Variants in NEIL3 observed in about 807,000 individuals in gnomAD.
NEIL3 encodes the protein endonuclease 8-like 3.
Under a neutral mutation model 57.5 loss-of-function variants are expected in NEIL3, and 48 were observed. The ratio of observed to expected loss-of-function variants is 0.83; its 90% CI spans 0.66 to 1.06. The LOEUF is 1.06. NEIL3 is among the 50% of genes least tolerant of loss of function. The pLI is 0.00. For missense variants in NEIL3, 717 were observed against 739.1 expected (o/e 0.97, Z 0.35); for synonymous variants, 261 against 253.2 (o/e 1.03, Z -0.29).
intron 1 of NEIL3, among the ~76,000 whole-genome samples, chr4:177,313,024 CAA>C: frequency 6.6e-6 from 1 of 152,228 alleles, no homozygotes; most frequent in Admixed American, 6.5e-5. Context: ...GCATTTATGC[CAA>C]AGAGTTAAAG....
Position 177,325,828 on chromosome 4 carries a change from A to G in NEIL3, c.278+3248A>G, listed in dbSNP as rs111474732. ...ACTAATGATATCTGATGCAATATGC[A>G]TATTTCCTGTTTGTGTATTTTATAG... On this transcript the variant is annotated intron_variant, in intron 2 of 9. Transcript: ENST00000264596. Among the ~76,000 whole-genome samples the G allele has an allele frequency of 8.7e-3, 1,330 of 152,172 alleles. 17 individuals are homozygous for G. The highest frequency in any genetic ancestry group is 0.03 in the African/African-American group (1,261 of 41,550).
chr4:177,322,705 A>G (rs1734710814), intron 2 of NEIL3, 125 bp downstream of exon 2: 4 of 1,035,192 alleles, frequency 3.9e-6, no homozygotes, highest in South Asian at 1.5e-5. Flanking sequence ...GAGAGCTCCA[A>G]TATGAGAGGT....
rs34353849 is a variant in NEIL3, at chr4:177,320,466, CTTTTTTTTTTTTTTT to C, written c.157-1978_157-1964del. On this transcript the variant is annotated intron_variant, in intron 1 of 9. Transcript: ENST00000264596. Reference sequence around the variant, plus strand: ...GTGCAGAACAGGAAGTGACTGCTGTCTTTTTTTTTTTTTTTTTTTTTTTTTTTTTGAAACGGAGTC... The same window carrying C: ...GTGCAGAACAGGAAGTGACTGCTGTCTTTTTTTTTTTTTTGAAACGGAGTC... 6.5e-5 allele frequency among the ~76,000 whole-genome samples: 5 copies of C among 77,422 alleles called. No individual in the cohort carries two copies. In the Admixed American group the frequency reaches 8.5e-4, roughly 13 times the overall value. 50.8% of individuals were successfully genotyped at this position (77,422 alleles called of 152,430 possible).
chr4:177,365,976 A>G (rs67277327), downstream of NEIL3, among the ~76,000 whole-genome samples: 32,888 of 152,072 alleles, frequency 0.22, 4,336 homozygotes, highest in East Asian at 0.7. Flanking sequence ...AAAGACAACC[A>G]AGACCCACCC....
intron 1 of NEIL3, among the ~76,000 whole-genome samples, chr4:177,318,085 C>A (rs948223740): frequency 2.6e-5 from 4 of 152,148 alleles, no homozygotes; most frequent in African/African-American, 9.7e-5. Context: ...GTACATGGAA[C>A]TATATTCCCC....
intron 1 of NEIL3, among the ~76,000 whole-genome samples, chr4:177,319,737 C>T (rs991901537): frequency 1.3e-5 from 2 of 152,026 alleles, no homozygotes; most frequent in East Asian, 1.9e-4. Flanking sequence ...AAATTCTTTC[C>T]TACCGAAGAA....
intron 8 of NEIL3, 34 bp from the exon 9 acceptor site, chr4:177,360,469 T>C (rs770449114): frequency 1.4e-5 from 22 of 1,576,906 alleles, no homozygotes; most frequent in Non-Finnish European, 1.9e-5. Flanking sequence ...TTAGCACTCC[T>C]ATGCTGTACT....
intron 6 of NEIL3, among the ~76,000 whole-genome samples, chr4:177,343,992 A>G (rs33969229): frequency 0.65 from 99,153 of 151,928 alleles, 33,868 homozygotes; most frequent in Non-Finnish European, 0.77. Flanking sequence ...ATGAATTGAT[A>G]TCTTTGAGAT....
intron 6 of NEIL3, among the ~76,000 whole-genome samples, chr4:177,349,416 T>G (rs1735304949): frequency 6.6e-6 from 1 of 152,102 alleles, no homozygotes; most frequent in Non-Finnish European, 1.5e-5. Context: ...CCAGCGTTCT[T>G]TCATGTGTGG....
intron 1 of NEIL3, 94 bp from the exon 2 acceptor site, chr4:177,322,365 T>G: frequency 6.6e-7 from 1 of 1,512,414 alleles, no homozygotes; most frequent in South Asian, 1.2e-5. Context: ...CACCTGGGCG[T>G]GAAGTAATAT....
At position 177,336,329 on chromosome 4, in the gene NEIL3, T is replaced by G; in HGVS notation, c.627+8T>G. 1 of 1,608,900 alleles carries G rather than the reference T, an allele frequency of 6.2e-7. No individual in the cohort carries two copies. The highest frequency in any genetic ancestry group is 8.5e-7 in the Non-Finnish European group (1 of 1,177,040). ...CTCCACCCAGCTGTTAAAGTAAGTTTTAAGTATTTTTTTAATTATCTGTTG... is the reference window on the plus strand; with the variant it reads ...CTCCACCCAGCTGTTAAAGTAAGTTGTAAGTATTTTTTTAATTATCTGTTG... On this transcript the variant is annotated splice_region_variant and intron_variant, in intron 4 of 9. Coordinates refer to ENST00000264596, the MANE Select transcript of NEIL3 (RefSeq NM_018248.3).
At chr4:177,318,812 T>C (rs1734623032) in intron 1 of NEIL3, among the ~76,000 whole-genome samples, 1 of 152,234 alleles carries the variant, frequency 6.6e-6, no homozygotes, top group South Asian at 2.1e-4. Flanking sequence ...ACTCTTTTTC[T>C]ACTCTTTTTC....
intron 2 of NEIL3, among the ~76,000 whole-genome samples, chr4:177,334,294 TTATAA>T (rs1368933187): frequency 6.6e-6 from 1 of 152,156 alleles, no homozygotes; most frequent in Non-Finnish European, 1.5e-5. Flanking sequence ...TGGGGCTCAA[TTATAA>T]TATCTATTTA....
chr4:177,365,092 A>G (rs766959128), downstream of NEIL3, among the ~76,000 whole-genome samples: 36 of 152,180 alleles, frequency 2.4e-4, no homozygotes, highest in Non-Finnish European at 4.7e-4. Context: ...TCATTTTGTT[A>G]TAACTATGAG....
At chr4:177,371,268 A>G in the NEIL3 span, among the ~76,000 whole-genome samples, 158 of 152,352 alleles carry the variant, frequency 1.0e-3, no homozygotes, top group African/African-American at 3.2e-3. Context: ...CCTGCTTGTA[A>G]TATGCATTTA....
chr4:177,339,886 A>G (rs1735057271), intron 5 of NEIL3, 29 bp downstream of exon 5: 2 of 1,320,236 alleles, frequency 1.5e-6, no homozygotes, highest in East Asian at 4.9e-5. Context: ...AACTGTGTAA[A>G]ATGTAAAATG....
chr4:177,330,113 C>T (rs536873479), intron 2 of NEIL3, among the ~76,000 whole-genome samples: 14 of 152,204 alleles, frequency 9.2e-5, no homozygotes, highest in African/African-American at 2.2e-4. Context: ...CGTTTCACCA[C>T]GTTGCCCAGG....
rs35342304 is a variant in NEIL3, at chr4:177,319,951, C to G, written c.157-2508C>G. Among the ~76,000 whole-genome samples, 124 of 152,254 alleles carry G rather than the reference C, an allele frequency of 8.1e-4. 1 individual carries two copies. Among genetic ancestry groups the G allele is most frequent in the African/African-American group, 2.7e-3 (111 of 41,546 alleles). On this transcript the variant is annotated intron_variant, in intron 1 of 9. Coordinates refer to ENST00000264596, the MANE Select transcript of NEIL3 (RefSeq NM_018248.3). ...TGGAGTGGTGGGGAAACAAGGCTCT[C>G]ACCATTGACTTATAAATGTGGGTTT... is the stretch of plus-strand genomic sequence containing the variant.
At chr4:177,352,049 A>G (rs2110929599) in intron 7 of NEIL3, among the ~76,000 whole-genome samples, 1 of 152,344 alleles carries the variant, frequency 6.6e-6, no homozygotes, top group East Asian at 1.9e-4. Flanking sequence ...ACCCTTCAAA[A>G]TAACTCTTTA....
Sources: allele counts gnomAD v4.1 joint callset (sites outside exome capture counted in the v4.1 genomes callset), GRCh38; gene constraint gnomAD v4.1.1; transcripts MANE v1.5; gene names NCBI Gene and HGNC (gene_info 2026-07-23, HGNC 2026-07-21).